The following CCDC3 variants were observed in gnomAD, a reference collection of about 807,000 sequenced individuals.
CCDC3 encodes the protein coiled-coil domain-containing protein 3.
A neutral mutation model predicts 21.4 loss-of-function variants in CCDC3; 24 were observed. The ratio of observed to expected loss-of-function variants is 1.12; its 90% CI spans 0.81 to 1.58. The LOEUF is 1.58. CCDC3 is among the 40% of genes most tolerant of loss of function. The pLI, the probability that CCDC3 is intolerant of heterozygous loss-of-function variation, is 0.00. For missense variants in CCDC3, 425 were observed against 360.9 expected (o/e 1.18, Z -1.44); for synonymous variants, 186 against 166.0 (o/e 1.12, Z -0.93).
intron 4 of CCDC3, chr10:13,057,889 G>A (rs1178608861): frequency 2.5e-5 from 12 of 479,796 alleles, no homozygotes; most frequent in Admixed American, 8.2e-5. Context: ...TCAAAAAAAA[G>A]TTAAAACCTT....
intron 2 of CCDC3, among the ~76,000 whole-genome samples, chr10:12,994,416 A>AC (rs1471474330): frequency 2.9e-5 from 4 of 137,762 alleles, no homozygotes; most frequent in African/African-American, 1.1e-4. Flanking sequence ...AACAAAACAA[A>AC]AAAAAAAAAC....
intron 2 of CCDC3, among the ~76,000 whole-genome samples, chr10:12,996,121 T>C (rs556988789): frequency 6.6e-6 from 1 of 152,162 alleles, no homozygotes; most frequent in Non-Finnish European, 1.5e-5. Flanking sequence ...GACTCGGGCT[T>C]GGGATGCTCA....
intron 5 of CCDC3, among the ~76,000 whole-genome samples, chr10:13,017,026 C>G (rs1344134663): frequency 6.6e-6 from 1 of 151,970 alleles, no homozygotes; most frequent in African/African-American, 2.4e-5. Context: ...AAGGAATGAG[C>G]TAGGTCTGAG....
chr10:12,935,041 G>T (rs926229302), intron 2 of CCDC3, among the ~76,000 whole-genome samples: 22 of 151,830 alleles, frequency 1.4e-4, no homozygotes, highest in Admixed American at 1.4e-3. Flanking sequence ...TGGGACTACG[G>T]ATGTGCACTA....
chr10:12,975,579 G>A (rs1835405227), intron 2 of CCDC3, among the ~76,000 whole-genome samples: 1 of 152,204 alleles, frequency 6.6e-6, no homozygotes. Context: ...CCTTTGTGCA[G>A]GTGGCCAAGG....
chr10:12,942,808 C>G (rs1005201910), intron 2 of CCDC3, among the ~76,000 whole-genome samples: 64 of 152,222 alleles, frequency 4.2e-4, no homozygotes, highest in African/African-American at 1.3e-3. Flanking sequence ...CTTGGGAGCC[C>G]CCCTCTCTCC....
At chr10:12,928,440 T>A (rs1278545321) in intron 2 of CCDC3, among the ~76,000 whole-genome samples, 2 of 152,218 alleles carry the variant, frequency 1.3e-5, no homozygotes, top group African/African-American at 2.4e-5. Context: ...ATACTTAACA[T>A]CCTCAATAGG....
chr10:13,041,948 G>A (rs1372660081), intron 5 of CCDC3, among the ~76,000 whole-genome samples: 4 of 152,176 alleles, frequency 2.6e-5, no homozygotes, highest in Admixed American at 1.3e-4. Flanking sequence ...TCTTGATGGA[G>A]GCTCCCAGAA....
intron 2 of CCDC3, among the ~76,000 whole-genome samples, chr10:12,906,385 G>A (rs1028199600): frequency 4.6e-5 from 7 of 152,186 alleles, no homozygotes; most frequent in African/African-American, 1.2e-4. Flanking sequence ...AGAGGAAGGC[G>A]GAGATGGAGT....
At chr10:13,076,363 C>T (rs936715690) in intron 3 of CCDC3, among the ~76,000 whole-genome samples, 2 of 152,296 alleles carry the variant, frequency 1.3e-5, no homozygotes, top group African/African-American at 4.8e-5. Flanking sequence ...CTGGGCTGCC[C>T]TCCCCGAAAG....
rs190604847 is a variant in CCDC3 at position 12,926,681 on chromosome 10, G to A, written c.550-28002C>T. ...AGATTAAAGCAAGACCCAACAACAT[G>A]CTGTTTACATATACAGGCACAAATA... On this transcript the variant is annotated intron_variant, in intron 2 of 2. Coordinates refer to ENST00000378825, the MANE Select transcript of CCDC3 (RefSeq NM_031455.4). Among the ~76,000 whole-genome samples, 18 of 152,314 alleles carry A rather than the reference G, an allele frequency of 1.2e-4. No individual in the cohort carries two copies. In the East Asian group the frequency reaches 3.1e-3, roughly 26 times the overall value.
chr10:12,962,184 T>G (rs1299944930), intron 2 of CCDC3, among the ~76,000 whole-genome samples: 2 of 152,260 alleles, frequency 1.3e-5, no homozygotes, highest in South Asian at 2.1e-4. Context: ...CAAATTCTCC[T>G]GTCACATAGA....
At chr10:13,081,073 A>T (rs1837034140) in intron 3 of CCDC3, among the ~76,000 whole-genome samples, 1 of 152,182 alleles carries the variant, frequency 6.6e-6, no homozygotes, top group Admixed American at 6.5e-5. Flanking sequence ...CTAACAAAAT[A>T]AGAAGCCCCA....
intron 2 of CCDC3, among the ~76,000 whole-genome samples, chr10:12,943,146 G>GA (rs1379321740): frequency 6.6e-6 from 1 of 151,984 alleles, no homozygotes. Flanking sequence ...AAACTCTTAG[G>GA]AAAAAAATGA....
In CCDC3 at chr10:13,008,853, T is replaced by C. The variant is rs529234271; in HGVS notation, c.-1-10341A>G. Among the ~76,000 whole-genome samples, 20 of 152,298 alleles carry C rather than the reference T, an allele frequency of 1.3e-4. No homozygotes were observed. The South Asian group carries it at 3.9e-3, about 30-fold the overall frequency. On this transcript the variant is annotated intron_variant, in intron 5 of 6. Transcript: ENST00000378839. Reference sequence around the variant, plus strand: ...CTTTCACTTAATGTGAAAGACTGAGTGCTTTCCCTTAAGATCAGAAACAAG... The same window carrying C: ...CTTTCACTTAATGTGAAAGACTGAGCGCTTTCCCTTAAGATCAGAAACAAG...
rs1436366809 is a variant in CCDC3, at chr10:13,058,444, T to G, written c.-269-8503A>C. Reference sequence around the variant, plus strand: ...CGTATTTTGGCAGTTCGTGTGCATATGCTGCGCAGACTATCATATCCCCCT... The same window carrying G: ...CGTATTTTGGCAGTTCGTGTGCATAGGCTGCGCAGACTATCATATCCCCCT... On this transcript the variant is annotated intron_variant, in intron 4 of 6. Transcript: ENST00000378839. 2.1e-5 allele frequency: 16 copies of G among 760,928 alleles called. No individual in the cohort carries two copies. The East Asian group carries it at 3.7e-4, about 17-fold the overall frequency. The allele number at this position is 760,928 out of a possible 1,614,324, so 47.1% of individuals were successfully genotyped here.
rs184438244 is a variant in CCDC3, at chr10:13,034,331, G to A, written c.-2+15343C>T. Among the ~76,000 whole-genome samples, 1,104 of 140,006 alleles carry A rather than the reference G, an allele frequency of 7.9e-3. 14 individuals carry two copies. The highest frequency in any genetic ancestry group is 0.018 in the African/African-American group (692 of 37,794). The allele number at this position is 140,006 out of a possible 152,430, so 91.8% of individuals were successfully genotyped here. On this transcript the variant is annotated intron_variant, in intron 5 of 6. Coordinates refer to the CCDC3 transcript ENST00000378839. ...CACAGGGTGGAGAACATCACACACC[G>A]GGGCCTGTTGGGGGGTGGGGGGAGG...
intron 5 of CCDC3, among the ~76,000 whole-genome samples, chr10:13,036,030 G>T (rs1836372931): frequency 6.6e-6 from 1 of 152,146 alleles, no homozygotes; most frequent in South Asian, 2.1e-4. Context: ...TGCAGTCCCG[G>T]CTACTCAGGA....
At chr10:12,948,016 G>A (rs896613171) in intron 2 of CCDC3, among the ~76,000 whole-genome samples, 2 of 152,180 alleles carry the variant, frequency 1.3e-5, no homozygotes, top group Non-Finnish European at 2.9e-5. Context: ...CTCTTGGTCG[G>A]TGATACAGTT....
Sources: gnomAD v4.1 joint callset for allele counts (sites outside exome capture counted in the v4.1 genomes callset) on GRCh38, gnomAD v4.1.1 for gene constraint, MANE v1.5 for transcripts, NCBI Gene and HGNC (gene_info 2026-07-23, HGNC 2026-07-21) for gene names.